Variants in LMLN observed in about 807,000 individuals in gnomAD.
The protein encoded by LMLN is leishmanolysin-like peptidase.
A neutral mutation model predicts 92.3 loss-of-function variants in LMLN; 70 were observed. The observed-to-expected ratio is 0.76, with a 90% confidence interval of 0.63 to 0.92. LMLN has a LOEUF of 0.92. LMLN is among the 40% of genes least tolerant of loss of function. The probability of loss-of-function intolerance (pLI) is 0.00; values close to 1 mark genes in which losing one functional copy is unlikely to be tolerated. For synonymous variants in LMLN, 308 were observed against 296.2 expected, an observed-to-expected ratio of 1.04 and a Z score of -0.41; for missense variants, 691 against 814.6, an observed-to-expected ratio of 0.85 and a Z score of 1.85.
At chr3:197,998,833 A>G (rs1458831958) in intron 10 of LMLN, among the ~76,000 whole-genome samples, 1 of 152,180 alleles carries the variant, frequency 6.6e-6, no homozygotes, top group African/African-American at 2.4e-5. Flanking sequence ...CATGTTACAC[A>G]TGTTTCTGTG....
At chr3:197,963,905 A>AT in intron 1 of LMLN, among the ~76,000 whole-genome samples, 1 of 152,174 alleles carries the variant, frequency 6.6e-6, no homozygotes, top group Non-Finnish European at 1.5e-5. Flanking sequence ...TTAACTTTAC[A>AT]TTTTTTTGTA....
rs151302149 is a variant in LMLN, at chr3:198,029,403, G to A, written c.1656+4615G>A. ...AAAAAACTACAGCCTCAGGCCAGGC[G>A]CTGTGACTCATGCCTGTAATCCCAG... On this transcript the variant is annotated intron_variant, in intron 14 of 15. Transcript: ENST00000330198. Among the ~76,000 whole-genome samples the A allele has an allele frequency of 9.8e-3, 1,491 of 152,262 alleles. 12 individuals carry two copies. The highest frequency in any genetic ancestry group is 0.012 in the Non-Finnish European group (797 of 68,028).
At chr3:197,989,272 A>G (rs1381356361) in intron 8 of LMLN, among the ~76,000 whole-genome samples, 2 of 152,176 alleles carry the variant, frequency 1.3e-5, no homozygotes, top group Non-Finnish European at 2.9e-5. Context: ...CTGCATTGCT[A>G]TAAATCTTTG....
intron 11 of LMLN, among the ~76,000 whole-genome samples, chr3:198,010,601 C>G (rs532514565): frequency 1.3e-5 from 2 of 152,134 alleles, no homozygotes; most frequent in Non-Finnish European, 2.9e-5. Context: ...CAGGCACACA[C>G]CCCCACACCC....
At chr3:197,995,957 GAAGAA>G (rs1240283376) in intron 9 of LMLN, among the ~76,000 whole-genome samples, 2 of 152,116 alleles carry the variant, frequency 1.3e-5, no homozygotes, top group African/African-American at 2.4e-5. Context: ...TCTTCAGAGA[GAAGAA>G]AAGATACTAA....
rs755491946 is a variant in LMLN at position 197,960,261 on chromosome 3, G to A, written c.40G>A (p.Gly14Ser). 6 of 1,613,170 alleles carry A rather than the reference G, an allele frequency of 3.7e-6. No individual in the cohort carries two copies. The Admixed American group carries it at 6.7e-5, about 18-fold the overall frequency. ...CGGCCCGAAGATGGCGGCCGAATGG[G>A]GCGGAGGAGTGGGTTACTCGGGCTC... Residue 14 changes from glycine (G) to serine (S), a missense_variant, in exon 1 of 16, where the codon GGC becomes AGC. Gly to Ser is a moderately conservative substitution (Grantham distance 56). Coordinates refer to ENST00000330198, the Ensembl canonical transcript of LMLN.
intron 11 of LMLN, among the ~76,000 whole-genome samples, chr3:198,002,511 G>A (rs578198440): frequency 2.6e-5 from 4 of 152,336 alleles, no homozygotes; most frequent in African/African-American, 9.6e-5. Context: ...GCCAAGGCGG[G>A]TGGATCACCT....
intron 9 of LMLN, among the ~76,000 whole-genome samples, chr3:197,991,815 T>G (rs1356601366): frequency 6.6e-6 from 1 of 151,596 alleles, no homozygotes; most frequent in Non-Finnish European, 1.5e-5. Context: ...AATCTCTAAC[T>G]AAAGGACAGA....
chr3:197,966,497 T>A (rs1309850366), intron 1 of LMLN, among the ~76,000 whole-genome samples: 1 of 152,172 alleles, frequency 6.6e-6, no homozygotes, highest in Non-Finnish European at 1.5e-5. Flanking sequence ...TGGGTAGGTA[T>A]GCTTTATAAA....
intron 9 of LMLN, among the ~76,000 whole-genome samples, chr3:197,991,716 C>T (rs1251981462): frequency 6.6e-6 from 1 of 152,112 alleles, no homozygotes; most frequent in Non-Finnish European, 1.5e-5. Flanking sequence ...GGTACCATGG[C>T]TATTCTCCTT....
intron 13 of LMLN, among the ~76,000 whole-genome samples, chr3:198,024,376 C>T (rs980703762): frequency 1.2e-4 from 18 of 151,992 alleles, no homozygotes; most frequent in African/African-American, 3.4e-4. Flanking sequence ...CCACCGCGCC[C>T]GGCTAATTTT....
intron 11 of LMLN, 55 bp from the exon 12 acceptor site, chr3:198,002,960 G>C: frequency 4.2e-6 from 4 of 942,342 alleles, no homozygotes; most frequent in East Asian, 2.6e-5. Flanking sequence ...TGTTATGCTA[G>C]AGTTGTTTTT....
chr3:197,968,129 GAAGATA>G (rs1721111193), intron 1 of LMLN, among the ~76,000 whole-genome samples: 1 of 152,140 alleles, frequency 6.6e-6, no homozygotes, highest in South Asian at 2.1e-4. Context: ...CTCAGCTTAG[GAAGATA>G]ACAAGATTAA....
chr3:198,010,507 G>C (rs1429724439), intron 11 of LMLN, among the ~76,000 whole-genome samples: 1 of 151,706 alleles, frequency 6.6e-6, no homozygotes, highest in Non-Finnish European at 1.5e-5. Flanking sequence ...GAGTACAATG[G>C]GTGCGATCAT....
At chr3:197,965,007 C>CAAA (rs954254964) in intron 1 of LMLN, among the ~76,000 whole-genome samples, 2 of 91,066 alleles carry the variant, frequency 2.2e-5, no homozygotes, top group Non-Finnish European at 2.4e-5. Flanking sequence ...AACTCTGTCT[C>CAAA]AAAAAAAAAA....
intron 1 of LMLN, among the ~76,000 whole-genome samples, chr3:197,967,670 G>A (rs1426699089): frequency 6.6e-6 from 1 of 152,164 alleles, no homozygotes; most frequent in African/African-American, 2.4e-5. Flanking sequence ...TGAGAGCAGA[G>A]AACCGGTCTG....
At chr3:197,961,464 A>G (rs1720880641) in intron 1 of LMLN, among the ~76,000 whole-genome samples, 1 of 152,204 alleles carries the variant, frequency 6.6e-6, no homozygotes, top group South Asian at 2.1e-4. Flanking sequence ...CAAAATATTA[A>G]CTTCGGAGTT....
At chr3:197,961,665 T>G (rs1449814684) in intron 1 of LMLN, among the ~76,000 whole-genome samples, 2 of 152,210 alleles carry the variant, frequency 1.3e-5, no homozygotes, top group Non-Finnish European at 2.9e-5. Flanking sequence ...TCTCCTTGTT[T>G]TAACCTGGAC....
At chr3:197,971,944 C>CTTTTTTTTTGTTTT (rs1721236072) in intron 1 of LMLN, among the ~76,000 whole-genome samples, 1 of 81,220 alleles carries the variant, frequency 1.2e-5, no homozygotes, top group African/African-American at 4.7e-5. Context: ...AGTCTCTGTT[C>CTTTTTTTTTGTTTT]TTTTTTTTTT....
Sources: allele counts gnomAD v4.1 joint callset (sites outside exome capture counted in the v4.1 genomes callset), GRCh38; gene constraint gnomAD v4.1.1; transcripts MANE v1.5; gene names NCBI Gene and HGNC (gene_info 2026-07-23, HGNC 2026-07-21).